DOCK5: variants seen among roughly 807,000 people sequenced by gnomAD.
DOCK5 encodes dedicator of cytokinesis 5, also known as dedicator of cytokinesis protein 5.
A neutral mutation model predicts 251.8 loss-of-function variants in DOCK5; 142 were observed. The ratio of observed to expected loss-of-function variants is 0.56; its 90% CI spans 0.49 to 0.65. DOCK5 has a LOEUF of 0.65. DOCK5 is among the 30% of genes least tolerant of loss of function. The pLI is 0.00. For missense variants in DOCK5, 2,111 were observed against 2,312.3 expected, an observed-to-expected ratio of 0.91 and a Z score of 1.79; for synonymous variants, 842 against 835.5, an observed-to-expected ratio of 1.01 and a Z score of -0.13.
intron 38 of DOCK5, among the ~76,000 whole-genome samples, chr8:25,378,178 G>C (rs1287521077): frequency 6.6e-6 from 1 of 152,184 alleles, no homozygotes; most frequent in East Asian, 1.9e-4. Flanking sequence ...CACATGATTA[G>C]TATTTCTGGC....
chr8:25,399,087 G>C (rs2117332181), intron 45 of DOCK5, among the ~76,000 whole-genome samples: 1 of 152,344 alleles, frequency 6.6e-6, no homozygotes, highest in Non-Finnish European at 1.5e-5. Context: ...AGCACTTTCA[G>C]AAATGAATGT....
At chr8:25,403,161 A>G (rs1391178139) in intron 47 of DOCK5, among the ~76,000 whole-genome samples, 1 of 152,218 alleles carries the variant, frequency 6.6e-6, no homozygotes, top group African/African-American at 2.4e-5. Context: ...TACAGTGTCA[A>G]TCTAACAATT....
At chr8:25,296,109 G>A (rs546095954) in intron 6 of DOCK5, among the ~76,000 whole-genome samples, 1 of 152,198 alleles carries the variant, frequency 6.6e-6, no homozygotes, top group South Asian at 2.1e-4. Context: ...CGTGAACCAC[G>A]ACGCCTGGCA....
intron 1 of DOCK5, among the ~76,000 whole-genome samples, chr8:25,202,568 C>T (rs548504228): frequency 6.6e-6 from 1 of 152,314 alleles, no homozygotes; most frequent in East Asian, 1.9e-4. Context: ...TCACTGAGCA[C>T]CTTTTATGTT....
At chr8:25,384,441 T>TTATG in intron 40 of DOCK5, among the ~76,000 whole-genome samples, 1 of 25,032 alleles carries the variant, frequency 4.0e-5, no homozygotes, top group South Asian at 1.1e-3. Flanking sequence ...TTTTATTTAT[T>TTATG]TATTTATTTA....
intron 47 of DOCK5, among the ~76,000 whole-genome samples, chr8:25,403,154 A>C (rs111401967): frequency 7.7e-4 from 118 of 152,324 alleles, no homozygotes; most frequent in African/African-American, 2.7e-3. Context: ...GCATGTCTAC[A>C]GTGTCAATCT....
chr8:25,382,347 C>G (rs1220133104), intron 39 of DOCK5, among the ~76,000 whole-genome samples: 1 of 152,180 alleles, frequency 6.6e-6, no homozygotes, highest in Middle Eastern at 3.2e-3. Context: ...TCTCAGAATG[C>G]ACTTTTTAAC....
intron 25 of DOCK5, among the ~76,000 whole-genome samples, chr8:25,344,545 C>T (rs1207566648): frequency 1.3e-5 from 2 of 152,202 alleles, no homozygotes; most frequent in African/African-American, 4.8e-5. Context: ...CTCTAAGTCT[C>T]AGCCTCCAGT....
chr8:25,356,923 A>G (rs1202072460), intron 27 of DOCK5, among the ~76,000 whole-genome samples: 6 of 68,384 alleles, frequency 8.8e-5, no homozygotes, highest in African/African-American at 2.9e-4. Context: ...ATATATATAT[A>G]TATATATATA....
chr8:25,261,998 G>A (rs755045126), intron 2 of DOCK5, among the ~76,000 whole-genome samples: 2 of 152,190 alleles, frequency 1.3e-5, no homozygotes, highest in African/African-American at 4.8e-5. Context: ...AGTATAGTAA[G>A]TAATATATAC....
At chr8:25,237,434 T>G (rs1377487888) in intron 1 of DOCK5, among the ~76,000 whole-genome samples, 2 of 152,194 alleles carry the variant, frequency 1.3e-5, no homozygotes, top group Non-Finnish European at 2.9e-5. Context: ...AGACTTTTCA[T>G]TGTCAAAACT....
Position 25,339,433 on chromosome 8 carries a change from T to C in DOCK5, c.2328-1444T>C, listed in dbSNP as rs114603999. 1.5e-3 allele frequency among the ~76,000 whole-genome samples: 231 copies of C among 151,974 alleles called. 1 individual carries two copies. Among genetic ancestry groups the C allele is most frequent in the African/African-American group, 5.3e-3 (220 of 41,452 alleles). On this transcript the variant is annotated intron_variant, in intron 22 of 51. Coordinates refer to ENST00000276440, the MANE Select transcript of DOCK5 (RefSeq NM_024940.8). ...TGTGACCAGGCTCCCACTATGATGGTGTGTGTGGGTTCCATGGAGTTCAGG... is the reference window on the plus strand; with the variant it reads ...TGTGACCAGGCTCCCACTATGATGGCGTGTGTGGGTTCCATGGAGTTCAGG...
chr8:25,406,103 C>T (rs1032130198), intron 48 of DOCK5, among the ~76,000 whole-genome samples: 13 of 152,180 alleles, frequency 8.5e-5, no homozygotes, highest in African/African-American at 2.9e-4. Context: ...AGACTACAGG[C>T]GCCCGCCACC....
chr8:25,206,825 A>G (rs13271105), intron 1 of DOCK5, among the ~76,000 whole-genome samples: 95,473 of 152,124 alleles, frequency 0.63, 32,608 homozygotes, highest in Non-Finnish European at 0.76. Context: ...GGCAAAAGCT[A>G]AAAGGATGTC....
rs1291938160 is a variant in DOCK5 at position 25,354,027 on chromosome 8, TAAAAAAAAA to T, written c.2850+2214_2850+2222del. Among the ~76,000 whole-genome samples the T allele has an allele frequency of 5.2e-4, 4 of 7,756 alleles. No individual in the cohort carries two copies. The Admixed American group carries it at 7.1e-3, about 14-fold the overall frequency. The allele number at this position is 7,756 out of a possible 152,430, so 5.1% of individuals were successfully genotyped here. On this transcript the variant is annotated intron_variant, in intron 27 of 51. Transcript: ENST00000276440. The stretch of plus-strand genomic sequence containing the variant: ...TGGGTGACAGAGTGAGACTTTGTCT[TAAAAAAAAA>T]AAAAAAAAAAAACAAACAAAAAAAA...
chr8:25,271,088 G>T, intron 3 of DOCK5: 1 of 365,650 alleles, frequency 2.7e-6, no homozygotes, highest in East Asian at 4.0e-5. Flanking sequence ...AATCAGTCTA[G>T]CTAATAGTGC....
chr8:25,365,116 G>A (rs1800753471), intron 30 of DOCK5, among the ~76,000 whole-genome samples: 1 of 152,202 alleles, frequency 6.6e-6, no homozygotes, highest in South Asian at 2.1e-4. Context: ...TGCACAGTTT[G>A]TTGAAAGTCC....
intron 2 of DOCK5, among the ~76,000 whole-genome samples, chr8:25,261,610 G>T (rs1803583845): frequency 6.6e-6 from 1 of 152,148 alleles, no homozygotes; most frequent in Admixed American, 6.6e-5. Flanking sequence ...TAAAGAAAAA[G>T]TGCAGTAAAA....
intron 1 of DOCK5, among the ~76,000 whole-genome samples, chr8:25,192,829 T>C (rs1290687575): frequency 6.6e-6 from 1 of 152,206 alleles, no homozygotes. Context: ...TTTTCTATGT[T>C]ATATTTTCTT....
Sources: allele counts gnomAD v4.1 joint callset (sites outside exome capture counted in the v4.1 genomes callset), GRCh38; gene constraint gnomAD v4.1.1; transcripts MANE v1.5; gene names NCBI Gene and HGNC (gene_info 2026-07-23, HGNC 2026-07-21).